Variants in CCDC38 observed in about 807,000 individuals in gnomAD.
The protein encoded by CCDC38 is coiled-coil domain containing 38.
Under a neutral mutation model 72.8 loss-of-function variants are expected in CCDC38, and 69 were observed. The observed-to-expected ratio is 0.95, with a 90% CI of 0.78 to 1.16. The LOEUF is 1.16. CCDC38 is among the 50% of genes most tolerant of loss of function. The probability of loss-of-function intolerance (pLI) is 0.00; values close to 1 mark genes in which losing one functional copy is unlikely to be tolerated. For missense variants in CCDC38, 626 were observed against 638.9 expected (o/e 0.98, Z 0.22); for synonymous variants, 201 against 213.2 (o/e 0.94, Z 0.50).
intron 2 of CCDC38, 71 bp downstream of exon 2, chr12:95,936,402 T>C: frequency 7.2e-7 from 1 of 1,379,458 alleles, no homozygotes; most frequent in Non-Finnish European, 1.0e-6. Context: ...CCTTTTCTTA[T>C]GCTCACAATC....
intron 14 of CCDC38, among the ~76,000 whole-genome samples, chr12:95,870,299 A>G (rs954424840): frequency 1.3e-5 from 2 of 152,190 alleles, no homozygotes; most frequent in African/African-American, 4.8e-5. Context: ...GCTATTTGTC[A>G]TACTCTCTTT....
At chr12:95,872,533 C>T in intron 13 of CCDC38, 73 bp from the exon 14 acceptor site, 1 of 939,920 alleles carries the variant, frequency 1.1e-6, no homozygotes, top group Non-Finnish European at 1.7e-6. Flanking sequence ...TACTATATTA[C>T]AGTAAAATCC....
At chr12:95,903,403 A>G in intron 5 of CCDC38, 2 of 698,848 alleles carry the variant, frequency 2.9e-6, no homozygotes, top group South Asian at 3.0e-5. Context: ...TTATTGCACT[A>G]GCTAGGACCT....
At chr12:95,906,096 C>T (rs2079997893) in intron 5 of CCDC38, among the ~76,000 whole-genome samples, 1 of 152,138 alleles carries the variant, frequency 6.6e-6, no homozygotes, top group South Asian at 2.1e-4. Flanking sequence ...CAAACTAGAA[C>T]CAGACATTTT....
chr12:95,919,236 AC>A (rs1263037636), intron 2 of CCDC38, among the ~76,000 whole-genome samples: 2 of 152,226 alleles, frequency 1.3e-5, no homozygotes, highest in Non-Finnish European at 2.9e-5. Context: ...AAATTTATAG[AC>A]AAAAAAGGGA....
At chr12:95,912,033 C>T (rs2080100247) in intron 4 of CCDC38, among the ~76,000 whole-genome samples, 1 of 152,034 alleles carries the variant, frequency 6.6e-6, no homozygotes, top group South Asian at 2.1e-4. Context: ...TACTATGCAG[C>T]CATAAAAAGA....
chr12:95,899,402 A>G lies in CCDC38; in HGVS notation c.370-671T>C, dbSNP rs545564147. The stretch of plus-strand genomic sequence containing the variant: ...AGCTTTGACCACCCAGGCTCAAGCA[A>G]TCTTCCCACCTCAGCCACTCAAGTA... On this transcript the variant is annotated intron_variant, in intron 5 of 15. Transcript: ENST00000344280. Among the ~76,000 whole-genome samples, 13 of 152,290 alleles carry G rather than the reference A, an allele frequency of 8.5e-5. No individual in the cohort carries two copies. In the South Asian group the frequency reaches 2.7e-3, roughly 32 times the overall value.
intron 8 of CCDC38, among the ~76,000 whole-genome samples, chr12:95,891,691 G>GT (rs148218273): frequency 5.7e-4 from 85 of 149,400 alleles, no homozygotes; most frequent in Admixed American, 7.3e-4. Flanking sequence ...AATACTTCTT[G>GT]TTTTTTTTTT....
intron 13 of CCDC38, 61 bp downstream of exon 13, chr12:95,878,150 A>G: frequency 6.3e-7 from 1 of 1,574,868 alleles, no homozygotes; most frequent in Non-Finnish European, 8.7e-7. Context: ...CTTAGGACAC[A>G]GGGAATAAAA....
In CCDC38 at chr12:95,879,581, T is replaced by G; in HGVS notation, c.1142+63A>C. ...GAGGAAGAGCCACATGTGAGTGAGT[T>G]GGACCCAGGCTCTGGTTAGAAATTG... On this transcript the variant is annotated intron_variant, in intron 12 of 15. Coordinates refer to ENST00000344280, the MANE Select transcript of CCDC38 (RefSeq NM_182496.3). This position sits in a 1 kb window ranked among gnomAD's most constrained non-coding sequence, Gnocchi z 5.5. 1 of 1,210,148 alleles carries G rather than the reference T, an allele frequency of 8.3e-7. No homozygotes were observed. Among genetic ancestry groups the G allele is most frequent in the Non-Finnish European group, 1.2e-6 (1 of 851,432 alleles). The allele number at this position is 1,210,148 out of a possible 1,614,324, so 75.0% of individuals were successfully genotyped here.
At chr12:95,932,019 G>A (rs900740808) in intron 2 of CCDC38, among the ~76,000 whole-genome samples, 14 of 152,060 alleles carry the variant, frequency 9.2e-5, no homozygotes, top group African/African-American at 3.4e-4. Context: ...AAATGGGGTC[G>A]GGGGACTGTA....
intron 2 of CCDC38, among the ~76,000 whole-genome samples, chr12:95,921,651 G>C (rs2080210050): frequency 6.6e-6 from 1 of 152,098 alleles, no homozygotes; most frequent in Non-Finnish European, 1.5e-5. Flanking sequence ...CCTTTGACAT[G>C]TGGGGTTTAT....
chr12:95,909,963 T>C (rs1334551851), intron 4 of CCDC38, among the ~76,000 whole-genome samples: 2 of 152,054 alleles, frequency 1.3e-5, no homozygotes, highest in Non-Finnish European at 2.9e-5. Context: ...CAGGTAAAAG[T>C]TAGAAGCATT....
At chr12:95,890,982 A>G in intron 8 of CCDC38, 52 bp from the exon 9 acceptor site, 1 of 985,660 alleles carries the variant, frequency 1.0e-6, no homozygotes, top group Non-Finnish European at 1.6e-6. Context: ...GGGGGAAAAA[A>G]ACACTGCTGA....
chr12:95,918,877 G>T lies in CCDC38; in HGVS notation c.137C>A (p.Thr46Lys). Residue 46 changes from threonine to lysine, a missense_variant and splice_region_variant, in exon 3 of 16, where the codon ACG becomes AAG. Transcript: ENST00000344280. The stretch of plus-strand genomic sequence containing the variant: ...GTTGTGATTTTAATTAAACTTTACC[G>T]TTTCCTTTGCTGCCATTTCATTTTC... ...VKENEMAAKE[T>K]EKFMNRNMKV... 1.9e-6 allele frequency: 3 copies of T among 1,582,736 alleles called. No homozygotes were observed. The highest frequency in any genetic ancestry group is 1.1e-5 in the South Asian group (1 of 90,422).
chr12:95,889,667 T>C (rs2079801339), intron 9 of CCDC38, among the ~76,000 whole-genome samples: 2 of 152,058 alleles, frequency 1.3e-5, no homozygotes, highest in Admixed American at 6.6e-5. Flanking sequence ...GATAGCAGGA[T>C]ACAGGAGAAA....
At chr12:95,910,967 C>T (rs1467577509) in intron 4 of CCDC38, among the ~76,000 whole-genome samples, 2 of 152,144 alleles carry the variant, frequency 1.3e-5, no homozygotes, top group Non-Finnish European at 2.9e-5. Flanking sequence ...AAGTTGGACT[C>T]ATCATATTAC....
rs2079680534 is a variant in CCDC38 at position 95,879,911 on chromosome 12, C to T, written c.991-116G>A. On this transcript the variant is annotated intron_variant, in intron 11 of 15. Transcript: ENST00000344280. The surrounding 1 kb of genome is among the most constrained non-coding windows in gnomAD (Gnocchi z 5.5). ...AAGACAGTTCTAAGGATGAGGGAGACACAGGTAGGAACTTGTATGGGAAAC... is the reference window on the plus strand; with the variant it reads ...AAGACAGTTCTAAGGATGAGGGAGATACAGGTAGGAACTTGTATGGGAAAC... The T allele has an allele frequency of 1.4e-6, 1 of 710,256 alleles. No individual in the cohort carries two copies. Among genetic ancestry groups the T allele is most frequent in the Non-Finnish European group, 2.2e-6 (1 of 452,196 alleles). The allele number at this position is 710,256 out of a possible 1,614,324, so 44.0% of individuals were successfully genotyped here.
At chr12:95,880,395 C>T (rs1197121813) in intron 11 of CCDC38, among the ~76,000 whole-genome samples, 1 of 152,132 alleles carries the variant, frequency 6.6e-6, no homozygotes, top group African/African-American at 2.4e-5. Context: ...GTGGCTCACA[C>T]CTGTAATCCC....
Sources: gnomAD v4.1 joint callset for allele counts (sites outside exome capture counted in the v4.1 genomes callset) on GRCh38, gnomAD v4.1.1 for gene constraint, Gnocchi (gnomAD v3.1) non-coding constraint, MANE v1.5 for transcripts, NCBI Gene and HGNC (gene_info 2026-07-23, HGNC 2026-07-21) for gene names.